TRDN: variants seen among roughly 807,000 people sequenced by gnomAD.
TRDN encodes the protein triadin in skeletal muscle.
A neutral mutation model predicts 149.7 loss-of-function variants in TRDN; 161 were observed. That is an observed-to-expected ratio of 1.08 (90% confidence interval 0.95 to 1.23). The LOEUF (loss-of-function observed/expected upper bound fraction) is 1.23, where lower values mean the gene tolerates loss of function less well. TRDN is among the 50% of genes most tolerant of loss of function. The pLI is 0.00. For missense variants in TRDN, 896 were observed against 823.5 expected (o/e 1.09, Z -1.08); for synonymous variants, 294 against 250.5 (o/e 1.17, Z -1.64).
At chr6:123,333,359 C>T (rs1779734332) in intron 22 of TRDN, among the ~76,000 whole-genome samples, 1 of 151,994 alleles carries the variant, frequency 6.6e-6, no homozygotes, top group Admixed American at 6.6e-5. Context: ...GCCCACAGAA[C>T]TACATTGATT....
intron 1 of TRDN, among the ~76,000 whole-genome samples, chr6:123,590,092 T>A (rs1467805718): frequency 2.0e-5 from 3 of 152,288 alleles, no homozygotes; most frequent in East Asian, 3.9e-4. Context: ...ATGTTACAGC[T>A]GGAGTCCCCA....
intron 8 of TRDN, 29 bp from the exon 9 acceptor site, chr6:123,497,281 GA>G: frequency 6.9e-7 from 1 of 1,449,528 alleles, no homozygotes. Flanking sequence ...AAAGAGCAAT[GA>G]AAAAATGTCA....
At chr6:123,341,647 C>T (rs1438192892) in intron 21 of TRDN, among the ~76,000 whole-genome samples, 2 of 151,840 alleles carry the variant, frequency 1.3e-5, no homozygotes, top group African/African-American at 2.4e-5. Flanking sequence ...AGATATTCCT[C>T]AAGAAATTGT....
intron 2 of TRDN, among the ~76,000 whole-genome samples, chr6:123,567,742 C>T (rs971805072): frequency 1.3e-5 from 2 of 152,158 alleles, no homozygotes; most frequent in African/African-American, 4.8e-5. Flanking sequence ...CTTCAAAAAT[C>T]CATCTCTATT....
At chr6:123,528,326 G>C (rs897379207) in intron 5 of TRDN, among the ~76,000 whole-genome samples, 3 of 150,786 alleles carry the variant, frequency 2.0e-5, no homozygotes, top group Non-Finnish European at 3.0e-5. Context: ...GACTCCCAAG[G>C]CTCTCCCGAT....
intron 10 of TRDN, among the ~76,000 whole-genome samples, chr6:123,458,427 T>C (rs1776258371): frequency 6.6e-6 from 1 of 152,178 alleles, no homozygotes; most frequent in African/African-American, 2.4e-5. Flanking sequence ...TCTAATCAGT[T>C]GAAGGCCTTA....
chr6:123,354,850 G>A (rs968788895), intron 20 of TRDN, among the ~76,000 whole-genome samples: 19 of 151,604 alleles, frequency 1.3e-4, no homozygotes, highest in African/African-American at 4.6e-4. Context: ...TCTAAGTAGG[G>A]AAAGGATGGC....
chr6:123,321,895 T>A (rs1171881357), intron 23 of TRDN, among the ~76,000 whole-genome samples: 2 of 151,778 alleles, frequency 1.3e-5, no homozygotes, highest in Non-Finnish European at 2.9e-5. Context: ...TGCCTTTGAG[T>A]TTGATTTTGA....
intron 9 of TRDN, among the ~76,000 whole-genome samples, chr6:123,495,262 T>C (rs1778398633): frequency 6.6e-6 from 1 of 151,896 alleles, no homozygotes; most frequent in Non-Finnish European, 1.5e-5. Flanking sequence ...CTCATGCCTG[T>C]AATCCCAGCA....
intron 4 of TRDN, among the ~76,000 whole-genome samples, chr6:123,536,834 T>C (rs1319780410): frequency 6.6e-6 from 1 of 151,908 alleles, no homozygotes; most frequent in Non-Finnish European, 1.5e-5. Context: ...CAGTGAGCCA[T>C]GATGGTGACA....
chr6:123,599,723 T>C (rs190102878), intron 1 of TRDN, among the ~76,000 whole-genome samples: 587 of 152,138 alleles, frequency 3.9e-3, no homozygotes, highest in Non-Finnish European at 6.9e-3. Context: ...TCAAAACCTT[T>C]TTAATATTAT....
intron 2 of TRDN, among the ~76,000 whole-genome samples, chr6:123,557,976 T>C (rs12174485): frequency 0.39 from 59,044 of 151,886 alleles, 13,388 homozygotes; most frequent in East Asian, 0.85. Flanking sequence ...TTTTCTTCTG[T>C]ACTGCCACTT....
intron 5 of TRDN, chr6:123,529,561 T>C (rs1780125913): frequency 3.8e-6 from 2 of 523,674 alleles, no homozygotes; most frequent in Admixed American, 3.0e-5. Flanking sequence ...TAATATAAAT[T>C]CACGTGCTAG....
chr6:123,621,130 T>C (rs79927018), intron 1 of TRDN, among the ~76,000 whole-genome samples: 3,166 of 152,234 alleles, frequency 0.021, 121 homozygotes, highest in East Asian at 0.17. Context: ...ACTCTACATG[T>C]CAATTTTTAC....
At chr6:123,387,963 T>C (rs1273839782) in intron 14 of TRDN, among the ~76,000 whole-genome samples, 2 of 152,104 alleles carry the variant, frequency 1.3e-5, no homozygotes, top group African/African-American at 4.8e-5. Context: ...ACACTGGATC[T>C]CTTGAATCTA....
At chr6:123,625,731 C>T (rs1299552148) in intron 1 of TRDN, among the ~76,000 whole-genome samples, 2 of 152,148 alleles carry the variant, frequency 1.3e-5, no homozygotes, top group African/African-American at 4.8e-5. Context: ...TATACACCTA[C>T]TCTGAGCCAA....
At chr6:123,490,349 A>G (rs1212342470) in intron 9 of TRDN, among the ~76,000 whole-genome samples, 1 of 152,212 alleles carries the variant, frequency 6.6e-6, no homozygotes, top group African/African-American at 2.4e-5. Context: ...CAGGTAGCTT[A>G]GAGAGCGTGG....
At chr6:123,424,431 G>A (rs564018721) in intron 12 of TRDN, among the ~76,000 whole-genome samples, 263 of 151,566 alleles carry the variant, frequency 1.7e-3, no homozygotes, top group African/African-American at 6.0e-3. Context: ...GTTTTCATAG[G>A]CCCTCTATAA....
At chr6:123,474,603 C>A (rs1777364366) in intron 9 of TRDN, among the ~76,000 whole-genome samples, 1 of 152,098 alleles carries the variant, frequency 6.6e-6, no homozygotes, top group African/African-American at 2.4e-5. Flanking sequence ...ACTCTCCACC[C>A]CAAATCAACA....
Sources: gnomAD v4.1 joint callset for allele counts (sites outside exome capture counted in the v4.1 genomes callset) on GRCh38, gnomAD v4.1.1 for gene constraint, MANE v1.5 for transcripts, NCBI Gene and HGNC (gene_info 2026-07-23, HGNC 2026-07-21) for gene names.